Variants in SORBS2 observed in about 807,000 individuals in gnomAD.
The protein encoded by SORBS2 is sorbin and SH3 domain containing 2.
In SORBS2, 46 loss-of-function variants were observed where a neutral mutation model predicts 97.7. The ratio of observed to expected loss-of-function variants is 0.47; its 90% CI spans 0.37 to 0.60. The LOEUF is 0.60. Ranked by LOEUF, SORBS2 falls within the 20% of genes least tolerant of loss-of-function variation. The pLI is 0.00. For missense variants in SORBS2, 1,316 were observed against 1,282.3 expected, an observed-to-expected ratio of 1.03 and a Z score of -0.40; for synonymous variants, 476 against 473.4, an observed-to-expected ratio of 1.01 and a Z score of -0.07.
intron 1 of SORBS2, among the ~76,000 whole-genome samples, chr4:185,867,457 G>T (rs892070055): frequency 2.0e-5 from 3 of 152,190 alleles, no homozygotes; most frequent in Admixed American, 1.3e-4. Context: ...ATGCACCAGG[G>T]TGGACGGACT....
chr4:185,923,933 A>G (rs116252859), intron 1 of SORBS2, among the ~76,000 whole-genome samples: 2,173 of 152,334 alleles, frequency 0.014, 29 homozygotes, highest in Middle Eastern at 0.02. Flanking sequence ...TTGTTAAAAG[A>G]CGCTCAATCA....
chr4:185,623,872 C>T lies in SORBS2; in HGVS notation c.1257G>A (p.Lys419=). 1.9e-6 allele frequency: 3 copies of T among 1,614,196 alleles called. No homozygotes were observed. The highest frequency in any genetic ancestry group is 2.5e-6 in the Non-Finnish European group (3 of 1,180,044). The change falls in exon 7 of 15, where the codon AAG becomes AAA. Residue 419 remains lysine (K), a synonymous_variant. Transcript: ENST00000418609. The surrounding 1 kb of genome is among the most constrained non-coding windows in gnomAD (Gnocchi z 6.4). ...GCATGGATTTGGACTTCTGGATCAG[C>T]TTTTCGAATTCGGAGATGCGTGTGG...
chr4:185,821,612 C>T (rs13340247), intron 1 of SORBS2, among the ~76,000 whole-genome samples: 36,469 of 151,792 alleles, frequency 0.24, 5,011 homozygotes, highest in East Asian at 0.65. Context: ...TTAGTAGAGA[C>T]GGGGTTTCGC....
At position 185,821,124 on chromosome 4, in the gene SORBS2, G is replaced by C. The variant is rs371265405; in HGVS notation, c.-337-45758C>G. The stretch of plus-strand genomic sequence containing the variant: ...TCCAGTGTGATTTGCCCACGCCCGG[G>C]GGGCAAGGGGAGCAGAGGGAACAAA... On this transcript the variant is annotated intron_variant, in intron 1 of 20. Transcript: ENST00000284776. Among the ~76,000 whole-genome samples, 6 of 152,320 alleles carry C rather than the reference G, an allele frequency of 3.9e-5. No homozygotes were observed. The East Asian group carries it at 7.7e-4, about 20-fold the overall frequency.
chr4:185,705,314 C>T (rs1188607216), intron 2 of SORBS2, among the ~76,000 whole-genome samples: 1 of 151,938 alleles, frequency 6.6e-6, no homozygotes, highest in Non-Finnish European at 1.5e-5. Flanking sequence ...AAACACTGGA[C>T]CTGTTCGTTA....
At chr4:185,811,112 C>A (rs926720321) in intron 1 of SORBS2, 2 of 152,170 alleles carry the variant, frequency 1.3e-5, no homozygotes, top group Non-Finnish European at 2.9e-5. Flanking sequence ...ACTACCCCAA[C>A]TAAATCAAAC....
At chr4:185,790,030 T>C (rs892343770) in intron 1 of SORBS2, among the ~76,000 whole-genome samples, 1 of 152,174 alleles carries the variant, frequency 6.6e-6, no homozygotes, top group African/African-American at 2.4e-5. Flanking sequence ...AGTTAAAAAG[T>C]TCATGAATGG....
chr4:185,762,326 A>G (rs1202488646), intron 2 of SORBS2, among the ~76,000 whole-genome samples: 1 of 152,204 alleles, frequency 6.6e-6, no homozygotes, highest in Non-Finnish European at 1.5e-5. Context: ...AAGACATTCA[A>G]AGGGAATGTT....
chr4:185,883,647 A>G (rs1241965777), intron 1 of SORBS2, among the ~76,000 whole-genome samples: 2 of 152,226 alleles, frequency 1.3e-5, no homozygotes, highest in Non-Finnish European at 2.9e-5. Context: ...AAAATGTGGT[A>G]CATTTGTATA....
At chr4:185,593,739 G>T in intron 13 of SORBS2, 147 bp downstream of exon 25, 1 of 623,060 alleles carries the variant, frequency 1.6e-6, no homozygotes, top group Non-Finnish European at 2.9e-6. Context: ...AAAAGATGGA[G>T]AGACTATTAC....
At chr4:185,611,076 G>A (rs2096530513) in intron 12 of SORBS2, among the ~76,000 whole-genome samples, 1 of 152,030 alleles carries the variant, frequency 6.6e-6, no homozygotes, top group Non-Finnish European at 1.5e-5. Flanking sequence ...ATCATCTTTA[G>A]CCCGCTCAAG....
intron 2 of SORBS2, among the ~76,000 whole-genome samples, chr4:185,760,007 G>A (rs1032001070): frequency 3.2e-4 from 48 of 152,204 alleles, no homozygotes; most frequent in African/African-American, 7.0e-4. Context: ...TAGACTCCAC[G>A]TTGGCTCCTT....
intron 1 of SORBS2, among the ~76,000 whole-genome samples, chr4:185,789,077 A>G (rs532437201): frequency 1.2e-4 from 19 of 152,302 alleles, no homozygotes; most frequent in African/African-American, 4.6e-4. Context: ...CTGGACTCCA[A>G]TTATTCTTTG....
At chr4:185,952,890 G>T (rs568806750) in intron 1 of SORBS2, among the ~76,000 whole-genome samples, 4 of 152,146 alleles carry the variant, frequency 2.6e-5, no homozygotes, top group Non-Finnish European at 4.4e-5. Context: ...CTCACAGGTG[G>T]CCGAGAAAAA....
At chr4:185,619,747 G>A (rs1489795133) in intron 8 of SORBS2, among the ~76,000 whole-genome samples, 8 of 152,178 alleles carry the variant, frequency 5.3e-5, no homozygotes, top group Admixed American at 3.3e-4. Flanking sequence ...GAAACCTATT[G>A]CCTCCACGAG....
At chr4:185,720,797 G>A (rs1419903460) in intron 2 of SORBS2, among the ~76,000 whole-genome samples, 1 of 152,132 alleles carries the variant, frequency 6.6e-6, no homozygotes, top group African/African-American at 2.4e-5. Context: ...CACAGTGGAG[G>A]TACTGATAAT....
chr4:185,622,950 T>G, exon 7 of SORBS2: 1 of 1,613,248 alleles, frequency 6.2e-7, no homozygotes, highest in Non-Finnish European at 8.5e-7. Context: ...TGGTGGCAGC[T>G]GCTGTTGGCT....
intron 12 of SORBS2, among the ~76,000 whole-genome samples, chr4:185,598,478 T>G (rs947535849): frequency 1.3e-5 from 2 of 152,226 alleles, no homozygotes; most frequent in African/African-American, 4.8e-5. Flanking sequence ...ATATATACTT[T>G]CCGATCTTAG....
intron 1 of SORBS2, among the ~76,000 whole-genome samples, chr4:185,789,162 T>G (rs1250360287): frequency 6.6e-6 from 1 of 152,228 alleles, no homozygotes; most frequent in Non-Finnish European, 1.5e-5. Context: ...TTTTGTGAAG[T>G]CTTCAACATT....
Sources: allele counts gnomAD v4.1 joint callset (sites outside exome capture counted in the v4.1 genomes callset), GRCh38; gene constraint gnomAD v4.1.1; non-coding constraint Gnocchi (gnomAD v3.1); transcripts MANE v1.5; gene names NCBI Gene and HGNC (gene_info 2026-07-23, HGNC 2026-07-21).